NAV3: variants seen among roughly 807,000 people sequenced by gnomAD.
The protein encoded by NAV3 is pore membrane and/or filament interacting like protein 1.
NAV3 carries 87 observed loss-of-function variants against 244.7 expected under a neutral mutation model. That is an observed-to-expected ratio of 0.36 (90% confidence interval 0.30 to 0.42). The LOEUF is 0.42. Among genes scored for constraint, NAV3 ranks in the 20% least tolerant of loss-of-function variants. The pLI is 1.00. For synonymous variants in NAV3, 1,126 were observed against 1,042.2 expected, an observed-to-expected ratio of 1.08 and a Z score of -1.55; for missense variants, 2,663 against 2,893.3, an observed-to-expected ratio of 0.92 and a Z score of 1.83.
chr12:78,058,278 T>C (rs1883809696), intron 11 of NAV3, among the ~76,000 whole-genome samples: 1 of 151,972 alleles, frequency 6.6e-6, no homozygotes, highest in African/African-American at 2.4e-5. Context: ...CTGGGGAGGC[T>C]TCACAATCAT....
At chr12:77,667,294 G>T (rs112274398) in intron 2 of NAV3, among the ~76,000 whole-genome samples, 4,037 of 152,216 alleles carry the variant, frequency 0.027, 90 homozygotes, top group African/African-American at 0.064. Flanking sequence ...GCTGCCGCAG[G>T]CTCCCTGAGA....
At chr12:78,192,951 A>G (rs920773656) in intron 34 of NAV3, among the ~76,000 whole-genome samples, 1 of 152,070 alleles carries the variant, frequency 6.6e-6, no homozygotes, top group African/African-American at 2.4e-5. Flanking sequence ...ATATAAAAAA[A>G]GAGGGGATGA....
chr12:78,136,391 A>G (rs1956374745), intron 18 of NAV3, among the ~76,000 whole-genome samples: 1 of 152,144 alleles, frequency 6.6e-6, no homozygotes, highest in African/African-American at 2.4e-5. Context: ...AATCAACCAA[A>G]TCTTTCCTTA....
chr12:78,075,618 T>C (rs921006251), intron 12 of NAV3, among the ~76,000 whole-genome samples: 2 of 152,154 alleles, frequency 1.3e-5, no homozygotes, highest in African/African-American at 4.8e-5. Context: ...GTTTTTAAAA[T>C]TTTAGTTTTA....
intron 12 of NAV3, among the ~76,000 whole-genome samples, chr12:78,066,427 G>A (rs1885030055): frequency 6.6e-6 from 1 of 152,186 alleles, no homozygotes; most frequent in African/African-American, 2.4e-5. Flanking sequence ...ATTAGGTTAC[G>A]TAGATGATTC....
At chr12:77,732,770 G>A (rs941667528) in intron 2 of NAV3, among the ~76,000 whole-genome samples, 1 of 152,072 alleles carries the variant, frequency 6.6e-6, no homozygotes, top group Non-Finnish European at 1.5e-5. Flanking sequence ...CTAAGCCTAT[G>A]TAGATTAGTC....
In NAV3 at chr12:78,210,827, C is replaced by T. The variant is rs1377027552; in HGVS notation, c.*310C>T. Reference sequence around the variant, plus strand: ...TTGCACATGGGATAGCCAAACTGGACTTTCTTTGTTTCCTCTTTAAAAGTT... The same window carrying T: ...TTGCACATGGGATAGCCAAACTGGATTTTCTTTGTTTCCTCTTTAAAAGTT... On this transcript the variant is annotated 3_prime_UTR_variant, in exon 40 of 40. Coordinates refer to ENST00000397909, the MANE Select transcript of NAV3 (RefSeq NM_001024383.2). The T allele has an allele frequency of 7.0e-6, 2 of 285,498 alleles. No homozygotes were observed. The highest frequency in any genetic ancestry group is 8.4e-5 in the East Asian group (1 of 11,836). 17.7% of individuals were successfully genotyped at this position (285,498 alleles called of 1,614,324 possible). A position where few individuals can be genotyped will look rare whatever the true frequency, so the allele number is the denominator to read the frequency against.
chr12:77,930,360 G>A (rs1302039305), intron 1 of NAV3, among the ~76,000 whole-genome samples: 1 of 151,330 alleles, frequency 6.6e-6, no homozygotes, highest in Non-Finnish European at 1.5e-5. Context: ...AACAGAGTTT[G>A]TTGTTTTTTT....
At chr12:78,024,349 A>G (rs977409718) in intron 9 of NAV3, among the ~76,000 whole-genome samples, 6 of 152,282 alleles carry the variant, frequency 3.9e-5, no homozygotes, top group African/African-American at 1.2e-4. Context: ...CTCACTTTAC[A>G]TATATGACCT....
At chr12:78,045,148 A>C (rs1244494044) in intron 9 of NAV3, among the ~76,000 whole-genome samples, 1 of 152,126 alleles carries the variant, frequency 6.6e-6, no homozygotes, top group African/African-American at 2.4e-5. Flanking sequence ...AGGGGTGTTG[A>C]ATTTTATCGA....
At chr12:77,721,079 G>T (rs1226596764) in intron 2 of NAV3, among the ~76,000 whole-genome samples, 1 of 152,034 alleles carries the variant, frequency 6.6e-6, no homozygotes, top group Admixed American at 6.6e-5. Flanking sequence ...TTGAGTGAGA[G>T]GACCACAGTC....
In NAV3 at chr12:77,938,107, G is replaced by A. The variant is rs1312991814; in HGVS notation, c.244-2212G>A. Reference sequence around the variant, plus strand: ...CTTGTGAATCCTTTTTCAACCCATGGCCCCAGTCTTTGCCTATGGACAGAT... The same window carrying A: ...CTTGTGAATCCTTTTTCAACCCATGACCCCAGTCTTTGCCTATGGACAGAT... On this transcript the variant is annotated intron_variant, in intron 1 of 39. Transcript: ENST00000397909. Among the ~76,000 whole-genome samples the A allele has an allele frequency of 2.6e-5, 4 of 152,004 alleles. No homozygotes were observed. In the East Asian group the frequency reaches 7.8e-4, roughly 29 times the overall value.
chr12:78,101,531 T>C (rs1255397223), intron 12 of NAV3, among the ~76,000 whole-genome samples: 1 of 152,118 alleles, frequency 6.6e-6, no homozygotes, highest in African/African-American at 2.4e-5. Flanking sequence ...TTTTAGTATA[T>C]CAGTGTTTAT....
intron 2 of NAV3, among the ~76,000 whole-genome samples, chr12:77,756,497 C>T (rs1869185648): frequency 6.6e-6 from 1 of 152,056 alleles, no homozygotes; most frequent in Non-Finnish European, 1.5e-5. Flanking sequence ...TGGCCATTCT[C>T]TTGTTATATT....
At chr12:77,625,967 A>G (rs1017533662) in intron 2 of NAV3, among the ~76,000 whole-genome samples, 1 of 152,204 alleles carries the variant, frequency 6.6e-6, no homozygotes, top group Admixed American at 6.5e-5. Context: ...AATCTATAAA[A>G]TGCCTGAAAA....
At chr12:77,862,451 G>A (rs1334788478) in intron 1 of NAV3, among the ~76,000 whole-genome samples, 1 of 151,640 alleles carries the variant, frequency 6.6e-6, no homozygotes, top group African/African-American at 2.4e-5. Flanking sequence ...AAAGTTGGAG[G>A]ATCATCTATA....
At chr12:78,065,853 A>G (rs1390904454) in intron 12 of NAV3, among the ~76,000 whole-genome samples, 1 of 152,162 alleles carries the variant, frequency 6.6e-6, no homozygotes, top group African/African-American at 2.4e-5. Context: ...GGAGAAAGGA[A>G]TTTGATCTGG....
intron 2 of NAV3, among the ~76,000 whole-genome samples, chr12:77,788,321 C>T (rs146225129): frequency 3.3e-5 from 5 of 152,130 alleles, no homozygotes; most frequent in East Asian, 1.9e-4. Flanking sequence ...GGTTTAAATG[C>T]GGCATTTACT....
At chr12:77,944,371 G>T (rs570669048) in intron 3 of NAV3, among the ~76,000 whole-genome samples, 1 of 152,266 alleles carries the variant, frequency 6.6e-6, no homozygotes, top group African/African-American at 2.4e-5. Flanking sequence ...CCAGTTGAAT[G>T]TGGGTGACGG....
Sources: gnomAD v4.1 joint callset for allele counts (sites outside exome capture counted in the v4.1 genomes callset) on GRCh38, gnomAD v4.1.1 for gene constraint, MANE v1.5 for transcripts, NCBI Gene and HGNC (gene_info 2026-07-23, HGNC 2026-07-21) for gene names.